Variants in ADAMTS16 observed in about 807,000 individuals in gnomAD.
The protein encoded by ADAMTS16 is A disintegrin and metalloproteinase with thrombospondin motifs 16.
ADAMTS16 carries 94 observed loss-of-function variants against 145.8 expected under a neutral mutation model. The ratio of observed to expected loss-of-function variants is 0.64; its 90% confidence interval spans 0.55 to 0.77. The LOEUF (loss-of-function observed/expected upper bound fraction) is 0.77. Ranked by LOEUF, ADAMTS16 falls within the 30% of genes least tolerant of loss-of-function variation. ADAMTS16 has a pLI of 0.00. For synonymous variants in ADAMTS16, 659 were observed against 604.3 expected (o/e 1.09, Z -1.33); for missense variants, 1,585 against 1,591.5 (o/e 1.00, Z 0.07).
intron 19 of ADAMTS16, 27 bp from the exon 20 acceptor site, chr5:5,303,545 G>T (rs1273382854): frequency 5.0e-6 from 8 of 1,609,956 alleles, no homozygotes; most frequent in Non-Finnish European, 6.8e-6. Flanking sequence ...GCCCTCACTG[G>T]GTGCTTATCC....
At chr5:5,250,094 T>C (rs1198339499) in intron 17 of ADAMTS16, among the ~76,000 whole-genome samples, 1 of 152,150 alleles carries the variant, frequency 6.6e-6, no homozygotes, top group Non-Finnish European at 1.5e-5. Context: ...GGGGTTCTTA[T>C]GGGCACAGGA....
At chr5:5,260,750 C>T (rs4463155) in intron 17 of ADAMTS16, among the ~76,000 whole-genome samples, 22,184 of 152,210 alleles carry the variant, frequency 0.15, 1,659 homozygotes, top group Middle Eastern at 0.24. Context: ...TTCTGAAGGG[C>T]CCCACTCCTT....
intron 9 of ADAMTS16, among the ~76,000 whole-genome samples, chr5:5,205,930 A>C (rs1416295828): frequency 6.6e-6 from 1 of 152,190 alleles, no homozygotes; most frequent in East Asian, 1.9e-4. Context: ...TATTTCACAG[A>C]GCAGACATTT....
chr5:5,182,256 T>A lies in ADAMTS16; in HGVS notation c.714T>A (p.Leu238=). 1 of 1,613,966 alleles carries A rather than the reference T, an allele frequency of 6.2e-7. No individual in the cohort carries two copies. ...ATCAACCCCTGCACAGCAGCGACCT[T>A]CGCCTGGGACTGCCACAAAAGCAGC... ...LAHQPLHSSD[L]RLGLPQKQHF... Residue 238 remains leucine (L), a synonymous_variant, in exon 4 of 23, where the codon CTT becomes CTA. Coordinates refer to ENST00000274181, the MANE Select transcript of ADAMTS16 (RefSeq NM_139056.4).
At chr5:5,186,434 C>T (rs1735501236) in intron 5 of ADAMTS16, among the ~76,000 whole-genome samples, 183 bp downstream of exon 5, 1 of 151,930 alleles carries the variant, frequency 6.6e-6, no homozygotes, top group Non-Finnish European at 1.5e-5. Flanking sequence ...TGAAAAGAGC[C>T]ATTTTCAGAA....
At chr5:5,201,246 A>T (rs185742407) in intron 9 of ADAMTS16, among the ~76,000 whole-genome samples, 1 of 152,306 alleles carries the variant, frequency 6.6e-6, no homozygotes, top group East Asian at 1.9e-4. Flanking sequence ...ACTGCCCAGA[A>T]GTGCAAGGGG....
At chr5:5,162,091 G>T (rs1244188899) in intron 3 of ADAMTS16, among the ~76,000 whole-genome samples, 1 of 152,146 alleles carries the variant, frequency 6.6e-6, no homozygotes, top group Admixed American at 6.5e-5. Context: ...TATTACGATA[G>T]ACGTATGCAT....
At chr5:5,220,969 A>T (rs1427832514) in intron 10 of ADAMTS16, among the ~76,000 whole-genome samples, 3 of 152,080 alleles carry the variant, frequency 2.0e-5, no homozygotes, top group Admixed American at 6.5e-5. Flanking sequence ...ATGCATGCTC[A>T]GCCTCCTGAA....
intron 3 of ADAMTS16, among the ~76,000 whole-genome samples, chr5:5,161,564 G>T (rs1734744536): frequency 6.6e-6 from 1 of 152,180 alleles, no homozygotes; most frequent in Non-Finnish European, 1.5e-5. Flanking sequence ...GAAGAGTCTG[G>T]TTGCTGTTGC....
chr5:5,318,675 G>A (rs1021734699), intron 22 of ADAMTS16, among the ~76,000 whole-genome samples: 13 of 152,206 alleles, frequency 8.5e-5, no homozygotes, highest in African/African-American at 3.1e-4. Context: ...CTGGGCGCCT[G>A]TTAAGGCTAT....
chr5:5,306,665 G>A lies in ADAMTS16; in HGVS notation c.3348G>A (p.Arg1116=). The A allele has an allele frequency of 1.2e-6, 2 of 1,614,012 alleles. No individual in the cohort carries two copies. The highest frequency in any genetic ancestry group is 1.1e-5 in the South Asian group (1 of 91,086). The change falls in exon 21 of 23, where the codon AGG becomes AGA. Residue 1116 remains arginine, a synonymous_variant. Transcript: ENST00000274181. The part of the protein sequence containing the change: ...ERACAPLPCP[R]HPPFAAAGPS... ...CCTGCGCCCCGCTTCCATGCCCCAG[G>A]CACCCCCCATTTGCTGCTGCGGGAC...
chr5:5,151,674 C>G (rs1332952917), intron 3 of ADAMTS16, among the ~76,000 whole-genome samples: 1 of 134,498 alleles, frequency 7.4e-6, no homozygotes, highest in Non-Finnish European at 1.6e-5. Context: ...TCCCATAGTT[C>G]CCTTTGTGTG....
At chr5:5,232,644 C>T in intron 12 of ADAMTS16, 128 bp downstream of exon 12, 1 of 1,227,262 alleles carries the variant, frequency 8.1e-7, no homozygotes, top group South Asian at 1.3e-5. Context: ...CGCTCTGTCA[C>T]CCAGGCTGGA....
chr5:5,189,616 T>C (rs1439513056), intron 6 of ADAMTS16, among the ~76,000 whole-genome samples: 1 of 152,238 alleles, frequency 6.6e-6, no homozygotes. Flanking sequence ...TACAAAGCCA[T>C]GTATAAATGA....
intron 18 of ADAMTS16, among the ~76,000 whole-genome samples, chr5:5,267,215 C>T (rs1227581487): frequency 6.6e-6 from 1 of 152,290 alleles, no homozygotes; most frequent in East Asian, 1.9e-4. Flanking sequence ...TGAATGTTTA[C>T]AGCTCCTGAA....
chr5:5,215,870 G>GTATATATATATATATATA (rs55703329), intron 10 of ADAMTS16, among the ~76,000 whole-genome samples: 2 of 101,640 alleles, frequency 2.0e-5, no homozygotes, highest in Non-Finnish European at 3.6e-5. Context: ...GTGTGTATGT[G>GTATATATATATATATATA]TATATATATA....
chr5:5,251,690 G>A (rs908850995), intron 17 of ADAMTS16, among the ~76,000 whole-genome samples: 6 of 152,170 alleles, frequency 3.9e-5, no homozygotes, highest in Admixed American at 1.3e-4. Flanking sequence ...TAAGATCACT[G>A]TTTCAGAAAT....
chr5:5,173,841 T>C (rs919600374), intron 3 of ADAMTS16, among the ~76,000 whole-genome samples: 1 of 152,196 alleles, frequency 6.6e-6, no homozygotes, highest in African/African-American at 2.4e-5. Flanking sequence ...AAAAATTCTG[T>C]GCTTTAACTT....
chr5:5,287,471 ATCAT>A (rs1739144984), intron 18 of ADAMTS16, among the ~76,000 whole-genome samples: 1 of 152,208 alleles, frequency 6.6e-6, no homozygotes, highest in African/African-American at 2.4e-5. Context: ...CATATGCCTC[ATCAT>A]TCAGTTGCCA....
Sources: gnomAD v4.1 joint callset for allele counts (sites outside exome capture counted in the v4.1 genomes callset) on GRCh38, gnomAD v4.1.1 for gene constraint, MANE v1.5 for transcripts, NCBI Gene and HGNC (gene_info 2026-07-23, HGNC 2026-07-21) for gene names.